SEPTIN14: variants seen among roughly 807,000 people sequenced by gnomAD.
SEPTIN14 encodes septin 14, also known as septin-14.
In SEPTIN14, 40 loss-of-function variants were observed where a neutral mutation model predicts 53.6. The observed-to-expected ratio is 0.75, with a 90% CI of 0.58 to 0.97. The LOEUF (loss-of-function observed/expected upper bound fraction) is 0.97, where lower values mean the gene tolerates loss of function less well. Among genes scored for constraint, SEPTIN14 ranks in the 50% least tolerant of loss-of-function variants. SEPTIN14 has a pLI of 0.00. For synonymous variants in SEPTIN14, 138 were observed against 166.8 expected (o/e 0.83, Z 1.33); for missense variants, 471 against 508.2 (o/e 0.93, Z 0.70).
At chr7:55,804,130 T>A (rs1423496764) in intron 9 of SEPTIN14, among the ~76,000 whole-genome samples, 1 of 112,654 alleles carries the variant, frequency 8.9e-6, no homozygotes, top group Non-Finnish European at 1.7e-5. Context: ...AGCAAGACTC[T>A]GTCTAAAAAA....
intron 6 of SEPTIN14, among the ~76,000 whole-genome samples, chr7:55,828,834 C>T (rs1789036771): frequency 6.6e-6 from 1 of 151,908 alleles, no homozygotes; most frequent in Non-Finnish European, 1.5e-5. Flanking sequence ...AGGTATTTTC[C>T]GAGCTTCTCG....
At chr7:55,858,672 C>T (rs1371000616) in intron 2 of SEPTIN14, among the ~76,000 whole-genome samples, 2 of 152,096 alleles carry the variant, frequency 1.3e-5, no homozygotes, top group Non-Finnish European at 2.9e-5. Context: ...GGCGTGGTGG[C>T]GCATGCCTAT....
At position 55,793,915 on chromosome 7, in the gene SEPTIN14, G is replaced by A. The variant is rs1343865862; in HGVS notation, c.*1998C>T. 3 of 152,012 alleles carry A rather than the reference G, an allele frequency of 2.0e-5. No homozygotes were observed. The highest frequency in any genetic ancestry group is 2.1e-4 in the South Asian group (1 of 4,832). The allele number at this position is 152,012 out of a possible 1,614,324, so 9.4% of individuals were successfully genotyped here. A position where few individuals can be genotyped will look rare whatever the true frequency, so the allele number is the denominator to read the frequency against. On this transcript the variant is annotated 3_prime_UTR_variant, in exon 10 of 10. Transcript: ENST00000388975. Reference sequence around the variant, plus strand: ...TGACTGGCAAAAATCAGTAACTGACGTATTAAAACTTTCCATGCTACATAA... The same window carrying A: ...TGACTGGCAAAAATCAGTAACTGACATATTAAAACTTTCCATGCTACATAA...
At chr7:55,804,822 G>A (rs1788587674) in intron 9 of SEPTIN14, among the ~76,000 whole-genome samples, 2 of 152,038 alleles carry the variant, frequency 1.3e-5, no homozygotes, top group Non-Finnish European at 2.9e-5. Context: ...GAAATGGCAT[G>A]GAATAACATA....
At chr7:55,828,473 T>C (rs1466463647) in intron 6 of SEPTIN14, among the ~76,000 whole-genome samples, 1 of 151,824 alleles carries the variant, frequency 6.6e-6, no homozygotes, top group Non-Finnish European at 1.5e-5. Flanking sequence ...CCCGGCTAAT[T>C]TTTTGTATTT....
chr7:55,813,726 C>T (rs928215938), intron 7 of SEPTIN14, among the ~76,000 whole-genome samples: 1 of 152,170 alleles, frequency 6.6e-6, no homozygotes, highest in African/African-American at 2.4e-5. Flanking sequence ...CAGTAAAACA[C>T]ACCACTAAGC....
At chr7:55,816,469 T>C (rs924648371) in intron 7 of SEPTIN14, among the ~76,000 whole-genome samples, 15 of 151,904 alleles carry the variant, frequency 9.9e-5, no homozygotes, top group Non-Finnish European at 1.6e-4. Context: ...CCTATAAATA[T>C]ACACACCTAC....
At chr7:55,822,110 C>T (rs1788905874) in intron 6 of SEPTIN14, among the ~76,000 whole-genome samples, 1 of 152,120 alleles carries the variant, frequency 6.6e-6, no homozygotes, top group African/African-American at 2.4e-5. Context: ...CCCCTGGGTC[C>T]CTCCCGAAAC....
At chr7:55,825,240 T>A (rs1226990802) in intron 6 of SEPTIN14, among the ~76,000 whole-genome samples, 1 of 152,086 alleles carries the variant, frequency 6.6e-6, no homozygotes, top group Non-Finnish European at 1.5e-5. Context: ...ATGAAGCCAA[T>A]CCAAAAGTTC....
At chr7:55,830,492 T>C (rs1006565218) in intron 6 of SEPTIN14, among the ~76,000 whole-genome samples, 14 of 150,782 alleles carry the variant, frequency 9.3e-5, no homozygotes, top group Admixed American at 6.6e-4. Context: ...TGGAGGCGCC[T>C]GCCACCACAC....
At chr7:55,837,976 C>G (rs1789239339) in intron 5 of SEPTIN14, among the ~76,000 whole-genome samples, 1 of 152,204 alleles carries the variant, frequency 6.6e-6, no homozygotes, top group Non-Finnish European at 1.5e-5. Context: ...AAGCTGCTTC[C>G]ACTGACAAGT....
In SEPTIN14 at chr7:55,794,241, T is replaced by G. The variant is rs1788388961; in HGVS notation, c.*1672A>C. The G allele has an allele frequency of 6.6e-6, 1 of 152,174 alleles. No individual in the cohort carries two copies. The highest frequency in any genetic ancestry group is 1.5e-5 in the Non-Finnish European group (1 of 68,014). 9.4% of individuals were successfully genotyped at this position (152,174 alleles called of 1,614,324 possible). ...ATAATTTTTATAAGGTAGATGTTAT[T>G]TTTAAATATGGAATAATATTGGTGA... On this transcript the variant is annotated 3_prime_UTR_variant, in exon 10 of 10. Coordinates refer to ENST00000388975, the MANE Select transcript of SEPTIN14 (RefSeq NM_207366.3).
chr7:55,807,404 G>A (rs552235504), intron 7 of SEPTIN14, 146 bp from the exon 8 acceptor site: 1 of 570,238 alleles, frequency 1.8e-6, no homozygotes, highest in Non-Finnish European at 3.0e-6. Context: ...ATTCTTTTAA[G>A]CATGTAAGTG....
At position 55,852,790 on chromosome 7, in the gene SEPTIN14, C is replaced by CT. The variant is rs576568393; in HGVS notation, c.55-6154_55-6153insA. Among the ~76,000 whole-genome samples, 424 of 152,152 alleles carry CT rather than the reference C, an allele frequency of 2.8e-3. 5 individuals are homozygous for CT. Among genetic ancestry groups the CT allele is most frequent in the Middle Eastern group, 0.01 (3 of 294 alleles). On this transcript the variant is annotated intron_variant, in intron 2 of 9. Coordinates refer to ENST00000388975, the MANE Select transcript of SEPTIN14 (RefSeq NM_207366.3). Reference sequence around the variant, plus strand: ...GAGAAAATATTTGCAAACTATCCCCCGATAAGGGATTAATAACCAGAATAT... The same window carrying CT: ...GAGAAAATATTTGCAAACTATCCCCCTGATAAGGGATTAATAACCAGAATAT...
chr7:55,841,563 T>C (rs1040144530), intron 5 of SEPTIN14, among the ~76,000 whole-genome samples: 2 of 151,900 alleles, frequency 1.3e-5, no homozygotes, highest in Non-Finnish European at 2.9e-5. Context: ...CTATTAAAAA[T>C]ACAAAAATTA....
chr7:55,813,714 C>T (rs1394647605), intron 7 of SEPTIN14, among the ~76,000 whole-genome samples: 1 of 152,018 alleles, frequency 6.6e-6, no homozygotes, highest in African/African-American at 2.4e-5. Flanking sequence ...GCAGCTCAGC[C>T]ACAGTAAAAC....
chr7:55,807,153 T>A lies in SEPTIN14; in HGVS notation c.923A>T (p.Tyr308Phe), dbSNP rs1303581537. The change falls in exon 8 of 10, where the codon TAT (tyrosine) becomes TTT (phenylalanine). Residue 308 changes from tyrosine to phenylalanine, a missense_variant. By Grantham distance (22) the Tyr-to-Phe change is conservative (BLOSUM62 3). Transcript: ENST00000388975. Reference protein sequence around the residue: ...EKTHTQHYECYRYQKLQKMGF... With the variant: ...EKTHTQHYECFRYQKLQKMGF... ...CATTTTCTGCAGTTTTTGGTACCTA[T>A]AACATTCATAGTGCTGAGTGTGGGT... 1 of 1,610,278 alleles carries A rather than the reference T, an allele frequency of 6.2e-7. No homozygotes were observed. The highest frequency in any genetic ancestry group is 1.1e-5 in the South Asian group (1 of 90,316).
chr7:55,861,837 G>A (rs1789754747), intron 2 of SEPTIN14, 106 bp downstream of exon 2: 2 of 655,930 alleles, frequency 3.0e-6, no homozygotes, highest in Non-Finnish European at 4.9e-6. Flanking sequence ...TAACAAACAA[G>A]ACTTTATCTT....
chr7:55,850,959 C>G (rs1789505738), intron 2 of SEPTIN14: 1 of 151,954 alleles, frequency 6.6e-6, no homozygotes, highest in Non-Finnish European at 1.5e-5. Flanking sequence ...GGCCTGTAAC[C>G]CCAGCTACTC....
Sources: allele counts gnomAD v4.1 joint callset (sites outside exome capture counted in the v4.1 genomes callset), GRCh38; gene constraint gnomAD v4.1.1; transcripts MANE v1.5; gene names NCBI Gene and HGNC (gene_info 2026-07-23, HGNC 2026-07-21).